The following PLCH1 variants were observed in gnomAD, a reference collection of about 807,000 sequenced individuals.
PLCH1 encodes the protein 1-phosphatidylinositol 4,5-bisphosphate phosphodiesterase eta-1.
Under a neutral mutation model 126.7 loss-of-function variants are expected in PLCH1, and 60 were observed. The ratio of observed to expected loss-of-function variants is 0.47; its 90% CI spans 0.38 to 0.59. The LOEUF (loss-of-function observed/expected upper bound fraction) is 0.59. PLCH1 is among the 20% of genes least tolerant of loss of function. The pLI is 0.00. For missense variants in PLCH1, 1,723 were observed against 2,040.0 expected (o/e 0.84, Z 2.99); for synonymous variants, 719 against 734.9 (o/e 0.98, Z 0.35).
intron 2 of PLCH1, among the ~76,000 whole-genome samples, chr3:155,667,903 T>TAAAAAAAAA (rs35373040): frequency 3.2e-4 from 24 of 75,558 alleles, no homozygotes; most frequent in Non-Finnish European, 4.6e-4. Flanking sequence ...CATCTCTACT[T>TAAAAAAAAA]AAAAAAAAAA....
chr3:155,609,893 T>C (rs1734822337), intron 2 of PLCH1, among the ~76,000 whole-genome samples: 1 of 152,102 alleles, frequency 6.6e-6, no homozygotes, highest in African/African-American at 2.4e-5. Context: ...TAATTTGGAA[T>C]TATGTTAAAT....
intron 10 of PLCH1, among the ~76,000 whole-genome samples, chr3:155,543,838 T>C (rs1724778250): frequency 1.3e-5 from 2 of 151,466 alleles, no homozygotes; most frequent in African/African-American, 4.9e-5. Flanking sequence ...AAGCAAATGC[T>C]GAGAGATTTT....
intron 10 of PLCH1, among the ~76,000 whole-genome samples, chr3:155,527,162 C>A (rs1294707043): frequency 6.6e-6 from 1 of 152,180 alleles, no homozygotes; most frequent in Admixed American, 6.5e-5. Context: ...AGAAAGGCTG[C>A]AAAAGCAAAC....
chr3:155,634,886 C>T (rs1738536710), intron 2 of PLCH1, among the ~76,000 whole-genome samples: 4 of 152,114 alleles, frequency 2.6e-5, no homozygotes, highest in African/African-American at 9.7e-5. Flanking sequence ...TTTGACTTGG[C>T]TATACAGTTG....
chr3:155,497,675 A>C (rs1050685413), intron 14 of PLCH1, among the ~76,000 whole-genome samples: 1 of 152,152 alleles, frequency 6.6e-6, no homozygotes, highest in Non-Finnish European at 1.5e-5. Context: ...CCATGGTCTA[A>C]AAATATTAAG....
chr3:155,651,497 A>T (rs940250250), intron 2 of PLCH1, among the ~76,000 whole-genome samples: 11 of 152,196 alleles, frequency 7.2e-5, no homozygotes, highest in Non-Finnish European at 4.4e-5. Context: ...GTATGACTCA[A>T]AAGAGAACTT....
chr3:155,552,529 AC>A (rs1159194656), intron 9 of PLCH1, among the ~76,000 whole-genome samples: 4 of 152,156 alleles, frequency 2.6e-5, no homozygotes, highest in Non-Finnish European at 5.9e-5. Context: ...AGATAGACTA[AC>A]GGGGAAGGTT....
At chr3:155,605,470 CTA>C (rs1734240322) in intron 2 of PLCH1, among the ~76,000 whole-genome samples, 1 of 152,172 alleles carries the variant, frequency 6.6e-6, no homozygotes, top group Admixed American at 6.5e-5. Flanking sequence ...ACTAAGTACA[CTA>C]TTAAAACAAA....
At position 155,482,415 on chromosome 3, in the gene PLCH1, G is replaced by A. The variant is rs764752197; in HGVS notation, c.3611C>T (p.Thr1204Ile). Residue 1204 changes from threonine (T) to isoleucine (I), a missense_variant, in exon 23 of 23, where the codon ACA becomes ATA. By Grantham distance (89) the Thr-to-Ile change is moderately conservative. Transcript: ENST00000460012. Reference protein sequence around the residue: ...QFDETNNQALTVVSHLHNTSV... With the variant: ...QFDETNNQALIVVSHLHNTSV... ...GGTATTATGAAGATGAGAAACAACT[G>A]TGAGAGCCTGATTGTTGGTCTCATC... 1 of 1,614,178 alleles carries A rather than the reference G, an allele frequency of 6.2e-7. No individual in the cohort carries two copies. Among genetic ancestry groups the A allele is most frequent in the Non-Finnish European group, 8.5e-7 (1 of 1,180,020 alleles).
At chr3:155,633,950 A>G (rs16846978) in intron 2 of PLCH1, among the ~76,000 whole-genome samples, 5,151 of 152,166 alleles carry the variant, frequency 0.034, 301 homozygotes, top group African/African-American at 0.12. Context: ...ATGGTGAAGC[A>G]TTCCTGACTC....
At chr3:155,556,297 G>T (rs992704402) in intron 8 of PLCH1, among the ~76,000 whole-genome samples, 12 of 152,176 alleles carry the variant, frequency 7.9e-5, no homozygotes, top group Non-Finnish European at 1.5e-4. Context: ...AGGATGCAGT[G>T]AGTCGAGCTC....
chr3:155,708,949 C>G (rs898177945), intron 1 of PLCH1, among the ~76,000 whole-genome samples: 2 of 152,200 alleles, frequency 1.3e-5, no homozygotes, highest in African/African-American at 4.8e-5. Context: ...CCTCCCTCCC[C>G]CTTAGCCCCT....
At chr3:155,564,792 G>T in intron 8 of PLCH1, 123 bp downstream of exon 8, 1 of 625,726 alleles carries the variant, frequency 1.6e-6, no homozygotes. Context: ...ACAATGAGCA[G>T]AAAAGTAGTA....
At chr3:155,679,776 C>A (rs1365104477) in intron 2 of PLCH1, among the ~76,000 whole-genome samples, 1 of 152,166 alleles carries the variant, frequency 6.6e-6, no homozygotes, top group Non-Finnish European at 1.5e-5. Flanking sequence ...CTTCCCTAAT[C>A]TTCATGAAAA....
chr3:155,477,441 G>A (rs1002292619), downstream of PLCH1, among the ~76,000 whole-genome samples: 2 of 151,812 alleles, frequency 1.3e-5, no homozygotes, highest in East Asian at 1.9e-4. Context: ...AGGAAACAAT[G>A]AACAAAGTGA....
chr3:155,601,863 C>T (rs1733779485), intron 2 of PLCH1, among the ~76,000 whole-genome samples: 1 of 152,214 alleles, frequency 6.6e-6, no homozygotes, highest in African/African-American at 2.4e-5. Context: ...ATTTTCACCA[C>T]AGTCCTGGAC....
intron 2 of PLCH1, among the ~76,000 whole-genome samples, chr3:155,699,000 T>TC (rs1269571365): frequency 8.6e-5 from 13 of 151,692 alleles, no homozygotes; most frequent in Non-Finnish European, 1.5e-5. Flanking sequence ...TTTTTTTTTT[T>TC]TAACTCTTCC....
chr3:155,490,319 C>T (rs1715985618), intron 19 of PLCH1, among the ~76,000 whole-genome samples: 1 of 152,058 alleles, frequency 6.6e-6, no homozygotes, highest in Non-Finnish European at 1.5e-5. Flanking sequence ...CCCCTCCAAT[C>T]GTATGTAAAT....
At chr3:155,614,564 T>C (rs1735550616) in intron 2 of PLCH1, among the ~76,000 whole-genome samples, 1 of 152,124 alleles carries the variant, frequency 6.6e-6, no homozygotes, top group African/African-American at 2.4e-5. Flanking sequence ...CAAAACAGCA[T>C]AGTACTGGCA....
Sources: allele counts gnomAD v4.1 joint callset (sites outside exome capture counted in the v4.1 genomes callset), GRCh38; gene constraint gnomAD v4.1.1; transcripts MANE v1.5; gene names NCBI Gene and HGNC (gene_info 2026-07-23, HGNC 2026-07-21).